Variants in DOC2A observed in about 807,000 individuals in gnomAD.
DOC2A encodes the protein double C2 domain alpha.
Under a neutral mutation model 40.6 loss-of-function variants are expected in DOC2A, and 28 were observed. The ratio of observed to expected loss-of-function variants is 0.69; its 90% CI spans 0.51 to 0.95. The LOEUF is 0.95. DOC2A is among the 40% of genes least tolerant of loss of function. The pLI is 0.00. For missense variants in DOC2A, 474 were observed against 552.5 expected (o/e 0.86, Z 1.42); for synonymous variants, 241 against 236.9 (o/e 1.02, Z -0.16).
chr16:30,008,724 T>G, intron 5 of DOC2A: 1 of 410,338 alleles, frequency 2.4e-6, no homozygotes, highest in South Asian at 2.2e-5. Flanking sequence ...CAGGCTGGTC[T>G]TGAACTCCTG....
Position 30,009,285 on chromosome 16 carries a change from G to T in DOC2A, c.343-9C>A. The stretch of plus-strand genomic sequence containing the variant: ...TCCATGGGCTTGAGGCCCTGGAGAG[G>T]AGGGCAGGGGAGAGGGCTAGAGGCT... On this transcript the variant is annotated splice_polypyrimidine_tract_variant and intron_variant, in intron 3 of 10. Coordinates refer to ENST00000350119, the MANE Select transcript of DOC2A (RefSeq NM_003586.3). This position sits in a 1 kb window ranked among gnomAD's most constrained non-coding sequence, Gnocchi z 4.1. 1 of 1,553,878 alleles carries T rather than the reference G, an allele frequency of 6.4e-7. No individual in the cohort carries two copies. The highest frequency in any genetic ancestry group is 1.9e-4 in the Middle Eastern group (1 of 5,328).
chr16:30,011,434 A>G, upstream of DOC2A: 1 of 984,170 alleles, frequency 1.0e-6, no homozygotes, highest in Non-Finnish European at 1.2e-6. Flanking sequence ...CTCCTGGGAG[A>G]CCTGGCCCCC....
At chr16:30,016,482 C>T (rs774278601), upstream of DOC2A, among the ~76,000 whole-genome samples, 2 of 152,208 alleles carry the variant, frequency 1.3e-5, no homozygotes, top group South Asian at 2.1e-4. Context: ...ATGACCTGGG[C>T]GCAGGGGGCC....
In DOC2A at chr16:30,010,372, A is replaced by C; in HGVS notation, c.-13-137T>G. The C allele has an allele frequency of 8.0e-7, 1 of 1,244,634 alleles. No individual in the cohort carries two copies. Among genetic ancestry groups the C allele is most frequent in the Non-Finnish European group, 1.1e-6 (1 of 872,658 alleles). 77.1% of individuals were successfully genotyped at this position (1,244,634 alleles called of 1,614,324 possible). A position where few individuals can be genotyped will look rare whatever the true frequency, so the allele number is the denominator to read the frequency against. ...GTCGAGGGAGAGGGTGGTGTGTGCC[A>C]GCCGGTGGCAGGTGGGAGGCCTGGG... is the stretch of plus-strand genomic sequence containing the variant. On this transcript the variant is annotated intron_variant, in intron 1 of 10. Transcript: ENST00000350119. This position sits in a 1 kb window ranked among gnomAD's most constrained non-coding sequence, Gnocchi z 4.2.
At position 30,010,518 on chromosome 16, in the gene DOC2A, C is replaced by A; in HGVS notation, c.-13-283G>T. 1.9e-6 allele frequency: 1 copy of A among 516,234 alleles called. No individual in the cohort carries two copies. Among genetic ancestry groups the A allele is most frequent in the South Asian group, 2.1e-5 (1 of 47,908 alleles). The allele number at this position is 516,234 out of a possible 1,614,324, so 32.0% of individuals were successfully genotyped here. A position where few individuals can be genotyped will look rare whatever the true frequency, so the allele number is the denominator to read the frequency against. Reference sequence around the variant, plus strand: ...TCTAGGTTGTCCCTGTATCATCTTGCCAGCTCCTTCCTCTCCTCCGGGGCT... The same window carrying A: ...TCTAGGTTGTCCCTGTATCATCTTGACAGCTCCTTCCTCTCCTCCGGGGCT... On this transcript the variant is annotated intron_variant, in intron 1 of 10. Transcript: ENST00000350119. This position sits in a 1 kb window ranked among gnomAD's most constrained non-coding sequence, Gnocchi z 4.2.
rs2070719675 is a variant in DOC2A at position 30,009,632 on chromosome 16, C to T, written c.263-75G>A. On this transcript the variant is annotated intron_variant, in intron 2 of 10. Coordinates refer to ENST00000350119, the MANE Select transcript of DOC2A (RefSeq NM_003586.3). This position sits in a 1 kb window ranked among gnomAD's most constrained non-coding sequence, Gnocchi z 4.1. ...CGAGAGGCCAGCAGGTGGGCACTGG[C>T]TCTGTGTGTCTCTCTCTCTTGCCAG... 1 of 1,286,200 alleles carries T rather than the reference C, an allele frequency of 7.8e-7. No individual in the cohort carries two copies. The highest frequency in any genetic ancestry group is 1.5e-5 in the African/African-American group (1 of 67,826). 79.7% of individuals were successfully genotyped at this position (1,286,200 alleles called of 1,614,324 possible). A position where few individuals can be genotyped will look rare whatever the true frequency, so the allele number is the denominator to read the frequency against.
upstream of DOC2A, among the ~76,000 whole-genome samples, chr16:30,013,980 G>A (rs1004245289): frequency 2.0e-5 from 3 of 151,898 alleles, no homozygotes; most frequent in Non-Finnish European, 4.4e-5. Context: ...CTCCCAAAGT[G>A]CTGGGATTAC....
In DOC2A at chr16:30,009,016, G is replaced by A. The variant is rs150061510; in HGVS notation, c.507C>T (p.Asp169=). 8.7e-6 allele frequency: 14 copies of A among 1,613,498 alleles called. No homozygotes were observed. Among genetic ancestry groups the A allele is most frequent in the Non-Finnish European group, 1.2e-5 (14 of 1,179,800 alleles). ...CTCACCTGAGCACCTTGTGCGTGAT[G>A]TCGTCATCTGTGATCCCGCTGTAAG... is the stretch of plus-strand genomic sequence containing the variant. ...DLTYSGITDD[D]ITHKVLRIAV... The change falls in exon 5 of 11, where the codon GAC becomes GAT. Residue 169 remains aspartate, a synonymous_variant. Transcript: ENST00000350119. This position sits in a 1 kb window ranked among gnomAD's most constrained non-coding sequence, Gnocchi z 4.1.
intron 1 of DOC2A, among the ~76,000 whole-genome samples, chr16:30,020,046 C>T (rs2070893817): frequency 6.6e-6 from 1 of 152,128 alleles, no homozygotes; most frequent in Non-Finnish European, 1.5e-5. Flanking sequence ...GTAGCTGGGG[C>T]TACAGGCGCA....
exon 1 of DOC2A, chr16:30,021,283 A>G (rs1486685193): frequency 3.9e-5 from 6 of 152,222 alleles, no homozygotes; most frequent in Non-Finnish European, 8.8e-5. Context: ...TCCGCTGAGC[A>G]CGCACCTTCG....
At position 30,005,687 on chromosome 16, in the gene DOC2A, C is replaced by T. The variant is rs752994375; in HGVS notation, c.*499G>A. ...ACGAGTGGCCGGGAGCATCTGCCAC[C>T]TGCTGGGGAGGCAGAGACCCTGCAA... is the stretch of plus-strand genomic sequence containing the variant. On this transcript the variant is annotated 3_prime_UTR_variant, in exon 11 of 11. Transcript: ENST00000350119. 3 of 554,426 alleles carry T rather than the reference C, an allele frequency of 5.4e-6. No individual in the cohort carries two copies. Among genetic ancestry groups the T allele is most frequent in the Non-Finnish European group, 6.3e-6 (2 of 318,016 alleles). 34.3% of individuals were successfully genotyped at this position (554,426 alleles called of 1,614,324 possible).
In DOC2A at chr16:30,005,810, T is replaced by A. The variant is rs2070562685; in HGVS notation, c.*376A>T. 2.2e-6 allele frequency: 1 copy of A among 449,510 alleles called. No homozygotes were observed. The highest frequency in any genetic ancestry group is 2.0e-5 in the African/African-American group (1 of 49,418). 27.8% of individuals were successfully genotyped at this position (449,510 alleles called of 1,614,324 possible). A position where few individuals can be genotyped will look rare whatever the true frequency, so the allele number is the denominator to read the frequency against. ...CTCTGGGTTTGTTTTTTGTCCTTTTTTTTTGAGACATTCTCCTCCTCTGAA... is the reference window on the plus strand; with the variant it reads ...CTCTGGGTTTGTTTTTTGTCCTTTTATTTTGAGACATTCTCCTCCTCTGAA... On this transcript the variant is annotated 3_prime_UTR_variant, in exon 11 of 11. Coordinates refer to ENST00000350119, the MANE Select transcript of DOC2A (RefSeq NM_003586.3).
upstream of DOC2A, among the ~76,000 whole-genome samples, chr16:30,016,330 T>C (rs1596714680): frequency 6.6e-6 from 1 of 152,216 alleles, no homozygotes; most frequent in Non-Finnish European, 1.5e-5. Context: ...ATTACAGGCA[T>C]GAGCCACTGC....
upstream of DOC2A, among the ~76,000 whole-genome samples, chr16:30,022,579 G>C (rs764343729): frequency 6.6e-6 from 1 of 152,186 alleles, no homozygotes; most frequent in Non-Finnish European, 1.5e-5. Context: ...GCTGATGTGG[G>C]AGGATCACTT....
At chr16:30,017,660 C>T (rs1489117751) in intron 1 of DOC2A, among the ~76,000 whole-genome samples, 1 of 151,714 alleles carries the variant, frequency 6.6e-6, no homozygotes, top group Non-Finnish European at 1.5e-5. Context: ...GGGAAAGAGT[C>T]GAAAAACTAC....
chr16:30,017,963 A>G (rs1283478112), intron 1 of DOC2A, among the ~76,000 whole-genome samples: 1 of 88,898 alleles, frequency 1.1e-5, no homozygotes, highest in East Asian at 2.2e-4. Flanking sequence ...CTGTCTCCGG[A>G]AAAAAAAAAA....
upstream of DOC2A, among the ~76,000 whole-genome samples, chr16:30,013,997 G>A (rs2150961343): frequency 6.6e-6 from 1 of 152,076 alleles, no homozygotes; most frequent in Non-Finnish European, 1.5e-5. Context: ...TTACAGCTGT[G>A]AGCCACCGCG....
upstream of DOC2A, among the ~76,000 whole-genome samples, chr16:30,016,105 G>T (rs1378363680): frequency 2.2e-4 from 29 of 132,608 alleles, no homozygotes; most frequent in Admixed American, 1.5e-3. Flanking sequence ...TGTTGCCCAG[G>T]CTGGAATGCA....
intron 5 of DOC2A, 24 bp from the exon 6 acceptor site, chr16:30,007,323 G>C (rs372335414): frequency 1.2e-6 from 2 of 1,613,482 alleles, no homozygotes; most frequent in Non-Finnish European, 1.7e-6. Context: ...GCAGTGTCAG[G>C]GCCCCTGGGG....
Sources: gnomAD v4.1 joint callset for allele counts (sites outside exome capture counted in the v4.1 genomes callset) on GRCh38, gnomAD v4.1.1 for gene constraint, Gnocchi (gnomAD v3.1) non-coding constraint, MANE v1.5 for transcripts, NCBI Gene and HGNC (gene_info 2026-07-23, HGNC 2026-07-21) for gene names.